The following OLA1 variants were observed in gnomAD, a reference collection of about 807,000 sequenced individuals.
OLA1 encodes the protein obg-like ATPase 1.
Under a neutral mutation model 48.4 loss-of-function variants are expected in OLA1, and 14 were observed. The ratio of observed to expected loss-of-function variants is 0.29; its 90% CI spans 0.19 to 0.45. The LOEUF is 0.45. Ranked by LOEUF, OLA1 falls within the 20% of genes least tolerant of loss-of-function variation. OLA1 has a pLI of 1.00. For missense variants in OLA1, 325 were observed against 467.1 expected, an observed-to-expected ratio of 0.70 and a Z score of 2.80; for synonymous variants, 127 against 150.4, an observed-to-expected ratio of 0.84 and a Z score of 1.14.
chr2:174,202,377 G>C (rs1688009561), intron 4 of OLA1, among the ~76,000 whole-genome samples: 1 of 152,178 alleles, frequency 6.6e-6, no homozygotes, highest in Non-Finnish European at 1.5e-5. Context: ...TGAGTGTTGC[G>C]AGTATCCGCT....
At chr2:174,135,896 G>T (rs979700022) in intron 5 of OLA1, among the ~76,000 whole-genome samples, 1 of 151,998 alleles carries the variant, frequency 6.6e-6, no homozygotes, top group African/African-American at 2.4e-5. Flanking sequence ...GCAATAAAGT[G>T]AGTATCGCTA....
intron 4 of OLA1, among the ~76,000 whole-genome samples, chr2:174,209,798 T>C (rs1688202979): frequency 6.6e-6 from 1 of 152,216 alleles, no homozygotes; most frequent in Non-Finnish European, 1.5e-5. Flanking sequence ...TATAAAATGA[T>C]ATATTTTTAG....
chr2:174,139,891 A>C (rs1021855055), intron 5 of OLA1, among the ~76,000 whole-genome samples: 1 of 146,918 alleles, frequency 6.8e-6, no homozygotes, highest in Non-Finnish European at 1.5e-5. Context: ...GAAAGAAAGA[A>C]AGAAAAAAAA....
intron 5 of OLA1, among the ~76,000 whole-genome samples, chr2:174,132,414 C>A (rs1686204924): frequency 6.6e-5 from 10 of 151,734 alleles, no homozygotes; most frequent in Admixed American, 6.6e-4. Context: ...TGTTCTTTTT[C>A]TAACTCCTTC....
chr2:174,090,081 T>C (rs1348493615), intron 7 of OLA1, among the ~76,000 whole-genome samples: 1 of 152,184 alleles, frequency 6.6e-6, no homozygotes, highest in Non-Finnish European at 1.5e-5. Context: ...TTACCACAAG[T>C]TGTTCCCTAT....
At chr2:174,176,964 A>G (rs1687436103) in intron 4 of OLA1, among the ~76,000 whole-genome samples, 1 of 152,148 alleles carries the variant, frequency 6.6e-6, no homozygotes, top group African/African-American at 2.4e-5. Flanking sequence ...TCTTATGCAC[A>G]TTGCTGTTGT....
chr2:174,117,811 G>C (rs907556392), intron 7 of OLA1, among the ~76,000 whole-genome samples: 2 of 151,996 alleles, frequency 1.3e-5, no homozygotes, highest in African/African-American at 4.8e-5. Flanking sequence ...TCCTTCCCGA[G>C]GTCCTGCCCT....
intron 4 of OLA1, among the ~76,000 whole-genome samples, chr2:174,185,690 G>A (rs151106603): frequency 2.1e-4 from 32 of 152,318 alleles, no homozygotes; most frequent in African/African-American, 7.7e-4. Context: ...CACATTGGGA[G>A]GCTGAAGTGA....
rs148749496 is a variant in OLA1, at chr2:174,115,171, C to T, written c.728+8009G>A. On this transcript the variant is annotated intron_variant, in intron 7 of 10. Coordinates refer to ENST00000284719, the MANE Select transcript of OLA1 (RefSeq NM_013341.5). ...TGTAATAGTGTAATGAGGGTCATCT[C>T]GGAATTTGAGGATCAAATGAAATAA... is the stretch of plus-strand genomic sequence containing the variant. Among the ~76,000 whole-genome samples the T allele has an allele frequency of 2.0e-4, 30 of 152,208 alleles. No individual in the cohort carries two copies. In the East Asian group the frequency reaches 2.1e-3, roughly 11 times the overall value.
At chr2:174,173,871 C>T (rs188123866) in intron 4 of OLA1, among the ~76,000 whole-genome samples, 1 of 151,770 alleles carries the variant, frequency 6.6e-6, no homozygotes, top group East Asian at 1.9e-4. Flanking sequence ...AACTTTATGC[C>T]CAATAAATTT....
chr2:174,118,242 G>A (rs554775344), intron 7 of OLA1, among the ~76,000 whole-genome samples: 153 of 152,194 alleles, frequency 1.0e-3, no homozygotes, highest in South Asian at 3.5e-3. Context: ...CATGAGATTC[G>A]GGCAGAGACA....
chr2:174,133,526 G>A (rs1249454483), intron 5 of OLA1, among the ~76,000 whole-genome samples: 3 of 152,068 alleles, frequency 2.0e-5, no homozygotes, highest in African/African-American at 7.2e-5. Context: ...ATGCCCAACT[G>A]ATTTTTGTAT....
chr2:174,203,064 T>C (rs1688025892), intron 4 of OLA1, among the ~76,000 whole-genome samples: 1 of 152,184 alleles, frequency 6.6e-6, no homozygotes, highest in Non-Finnish European at 1.5e-5. Context: ...TTGTCTCCTT[T>C]TCTAGATTTA....
intron 7 of OLA1, among the ~76,000 whole-genome samples, chr2:174,118,562 A>G (rs932503120): frequency 6.6e-6 from 1 of 152,240 alleles, no homozygotes; most frequent in African/African-American, 2.4e-5. Flanking sequence ...CCTAAGGAAC[A>G]CTTAATTTTT....
intron 10 of OLA1, 115 bp downstream of exon 10, chr2:174,078,853 T>C (rs1684803165): frequency 9.6e-7 from 1 of 1,044,096 alleles, no homozygotes; most frequent in Non-Finnish European, 1.4e-6. Flanking sequence ...GATCATCTTA[T>C]TACTTTATTT....
intron 4 of OLA1, among the ~76,000 whole-genome samples, chr2:174,193,113 G>T (rs540998795): frequency 2.0e-5 from 3 of 147,442 alleles, no homozygotes; most frequent in African/African-American, 7.5e-5. Flanking sequence ...TTTTGAGATG[G>T]GGGTCTCGCT....
rs1423812784 is a variant in OLA1 at position 174,223,165 on chromosome 2, A to G, written c.246-5T>C. ...TTTAGAAAGGCAGGAATTTTGCTGA[A>G]AAACAAAAGATGGCTTTATTATAAA... On this transcript the variant is annotated splice_polypyrimidine_tract_variant and splice_region_variant and intron_variant, in intron 3 of 10. Coordinates refer to ENST00000284719, the MANE Select transcript of OLA1 (RefSeq NM_013341.5). 5.6e-6 allele frequency: 9 copies of G among 1,613,350 alleles called. No homozygotes were observed. Among genetic ancestry groups the G allele is most frequent in the Middle Eastern group, 1.6e-4 (1 of 6,062 alleles).
In OLA1 at chr2:174,159,845, T is replaced by G. The variant is rs550326152; in HGVS notation, c.374-17845A>C. Among the ~76,000 whole-genome samples, 13 of 152,156 alleles carry G rather than the reference T, an allele frequency of 8.5e-5. No homozygotes were observed. In the South Asian group the frequency reaches 2.5e-3, roughly 29 times the overall value. ...AGCCTTGAGTTATATTTATGTTATG[T>G]ATATATTTATTACAAAGTATTTAAA... On this transcript the variant is annotated intron_variant, in intron 4 of 10. Coordinates refer to ENST00000284719, the MANE Select transcript of OLA1 (RefSeq NM_013341.5).
intron 2 of OLA1, among the ~76,000 whole-genome samples, chr2:174,231,044 G>T (rs1167855596): frequency 6.6e-6 from 1 of 152,184 alleles, no homozygotes; most frequent in Non-Finnish European, 1.5e-5. Flanking sequence ...AAAACATTTG[G>T]AGGAAACTTG....
Sources: gnomAD v4.1 joint callset for allele counts (sites outside exome capture counted in the v4.1 genomes callset) on GRCh38, gnomAD v4.1.1 for gene constraint, MANE v1.5 for transcripts, NCBI Gene and HGNC (gene_info 2026-07-23, HGNC 2026-07-21) for gene names.